LIN52: variants seen among roughly 807,000 people sequenced by gnomAD.
LIN52 encodes protein lin-52 homolog.
A neutral mutation model predicts 18.5 loss-of-function variants in LIN52; 4 were observed. That is an observed-to-expected ratio of 0.22 (90% confidence interval 0.11 to 0.49). The LOEUF is 0.49. Among genes scored for constraint, LIN52 ranks in the 20% least tolerant of loss-of-function variants. LIN52 has a pLI of 0.97. For missense variants in LIN52, 102 were observed against 139.5 expected (o/e 0.73, Z 1.35); for synonymous variants, 34 against 45.5 (o/e 0.75, Z 1.02).
chr14:74,155,983 C>T (rs1411986270), intron 5 of LIN52, among the ~76,000 whole-genome samples: 2 of 152,134 alleles, frequency 1.3e-5, no homozygotes, highest in African/African-American at 4.8e-5. Flanking sequence ...TGTTCCCTCC[C>T]CTTCACTGGT....
chr14:74,110,755 G>C (rs1157002408), intron 5 of LIN52, among the ~76,000 whole-genome samples: 1 of 151,794 alleles, frequency 6.6e-6, no homozygotes, highest in African/African-American at 2.4e-5. Context: ...ACGAGGTCAG[G>C]AGATCGAGAC....
intron 5 of LIN52, among the ~76,000 whole-genome samples, chr14:74,179,364 AT>A (rs1595188238): frequency 6.6e-6 from 1 of 152,158 alleles, no homozygotes; most frequent in East Asian, 1.9e-4. Flanking sequence ...TTTGGTAAAA[AT>A]TCTAATTCTT....
At chr14:74,128,571 G>A (rs371254782) in intron 5 of LIN52, among the ~76,000 whole-genome samples, 18 of 152,310 alleles carry the variant, frequency 1.2e-4, no homozygotes, top group African/African-American at 4.1e-4. Flanking sequence ...GAATACATCT[G>A]TCAAAACATA....
chr14:74,099,279 T>TA (rs769076793), intron 4 of LIN52, among the ~76,000 whole-genome samples: 283 of 150,990 alleles, frequency 1.9e-3, no homozygotes, highest in African/African-American at 3.0e-3. Context: ...TAAATGAGAT[T>TA]AAAAAAAAAC....
intron 5 of LIN52, among the ~76,000 whole-genome samples, chr14:74,130,588 ATTTTTTT>A (rs34746271): frequency 1.2e-4 from 9 of 72,960 alleles, no homozygotes; most frequent in African/African-American, 1.8e-4. Context: ...TAAATTGGCC[ATTTTTTT>A]TTTTTTTTTT....
intron 5 of LIN52, among the ~76,000 whole-genome samples, chr14:74,127,021 G>A (rs1346981576): frequency 6.6e-6 from 1 of 152,166 alleles, no homozygotes. Context: ...CTGAAAAAAT[G>A]AAGTTGTTGG....
chr14:74,104,710 C>CT (rs2060886059), intron 5 of LIN52, among the ~76,000 whole-genome samples: 1 of 148,788 alleles, frequency 6.7e-6, no homozygotes, highest in Non-Finnish European at 1.5e-5. Flanking sequence ...ATCTAACTAT[C>CT]AGGAAATAAA....
chr14:74,091,015 A>G (rs1445846156), intron 1 of LIN52, among the ~76,000 whole-genome samples: 1 of 152,252 alleles, frequency 6.6e-6, no homozygotes, highest in Non-Finnish European at 1.5e-5. Context: ...AACACTCCCA[A>G]TAAAATATCA....
intron 5 of LIN52, among the ~76,000 whole-genome samples, chr14:74,143,925 C>T (rs955356503): frequency 5.9e-5 from 9 of 152,108 alleles, no homozygotes; most frequent in South Asian, 2.1e-4. Flanking sequence ...TCCTCATCCT[C>T]CTCCCCTGCC....
At chr14:74,179,540 T>G (rs2061308094) in intron 5 of LIN52, among the ~76,000 whole-genome samples, 1 of 151,612 alleles carries the variant, frequency 6.6e-6, no homozygotes, top group Admixed American at 6.6e-5. Context: ...ATGCCTGTAG[T>G]CCCAGCTACT....
intron 5 of LIN52, among the ~76,000 whole-genome samples, chr14:74,142,587 T>G (rs2061136108): frequency 6.6e-6 from 1 of 151,670 alleles, no homozygotes; most frequent in South Asian, 2.1e-4. Context: ...ATTTAAAATC[T>G]AATTCCTCAG....
At chr14:74,128,515 A>C (rs1414134289) in intron 5 of LIN52, among the ~76,000 whole-genome samples, 1 of 152,238 alleles carries the variant, frequency 6.6e-6, no homozygotes, top group Admixed American at 6.5e-5. Flanking sequence ...CTCATCATTC[A>C]CAGGACACCA....
intron 5 of LIN52, among the ~76,000 whole-genome samples, chr14:74,123,479 A>C (rs1000218090): frequency 5.9e-5 from 9 of 152,204 alleles, no homozygotes; most frequent in East Asian, 1.9e-4. Context: ...GTTCATTTAT[A>C]AGTGTATCTG....
At chr14:74,148,460 T>G (rs1396152018) in intron 5 of LIN52, among the ~76,000 whole-genome samples, 1 of 152,110 alleles carries the variant, frequency 6.6e-6, no homozygotes, top group African/African-American at 2.4e-5. Flanking sequence ...CAAGAGAGCA[T>G]GTACTGATCC....
At chr14:74,114,088 C>T in intron 5 of LIN52, 1 of 964,056 alleles carries the variant, frequency 1.0e-6, no homozygotes, top group South Asian at 4.8e-5. Context: ...TCAAGCAAGT[C>T]CCCCACCTCA....
At position 74,199,781 on chromosome 14, in the gene LIN52, C is replaced by G. The variant is rs191069891; in HGVS notation, c.*804C>G. On this transcript the variant is annotated 3_prime_UTR_variant, in exon 6 of 6. Transcript: ENST00000555028. ...AAGAAAGTCAGTATAGCCTGAAAGA[C>G]AAGAGAAACGGGATGGTTTATAGGA... The G allele has an allele frequency of 6.6e-6, 1 of 152,312 alleles. No homozygotes were observed. Among genetic ancestry groups the G allele is most frequent in the Non-Finnish European group, 1.5e-5 (1 of 68,032 alleles). The allele number at this position is 152,312 out of a possible 1,614,324, so 9.4% of individuals were successfully genotyped here. A position where few individuals can be genotyped will look rare whatever the true frequency, so the allele number is the denominator to read the frequency against.
intron 5 of LIN52, among the ~76,000 whole-genome samples, chr14:74,137,498 C>CT (rs71460959): frequency 0.074 from 8,247 of 111,434 alleles, 530 homozygotes; most frequent in Non-Finnish European, 0.088. Flanking sequence ...CAGCAGCTCT[C>CT]TTTTTTTTTT....
At chr14:74,108,411 TG>T (rs1678830826) in intron 5 of LIN52, among the ~76,000 whole-genome samples, 1 of 152,206 alleles carries the variant, frequency 6.6e-6, no homozygotes, top group Admixed American at 6.5e-5. Context: ...GTGGAATTCC[TG>T]GGTCATGTGG....
intron 5 of LIN52, among the ~76,000 whole-genome samples, chr14:74,110,370 G>T (rs2060919104): frequency 6.6e-6 from 1 of 152,084 alleles, no homozygotes; most frequent in Admixed American, 6.6e-5. Context: ...CTAAAAGAAA[G>T]ACCCCATCTC....
Sources: gnomAD v4.1 joint callset for allele counts (sites outside exome capture counted in the v4.1 genomes callset) on GRCh38, gnomAD v4.1.1 for gene constraint, MANE v1.5 for transcripts, NCBI Gene and HGNC (gene_info 2026-07-23, HGNC 2026-07-21) for gene names.